Variants in ESR1 observed in about 807,000 individuals in gnomAD.
ESR1 encodes estrogen receptor.
A neutral mutation model predicts 52.7 loss-of-function variants in ESR1; 12 were observed. The observed-to-expected ratio is 0.23, with a 90% CI of 0.15 to 0.37. ESR1 has a LOEUF of 0.37. Among genes scored for constraint, ESR1 ranks in the 10% least tolerant of loss-of-function variants. The probability of loss-of-function intolerance (pLI) is 1.00; values close to 1 mark genes in which losing one functional copy is unlikely to be tolerated. For missense variants in ESR1, 584 were observed against 779.7 expected (o/e 0.75, Z 2.99); for synonymous variants, 305 against 316.8 (o/e 0.96, Z 0.39).
chr6:151,897,347 T>C (rs1171812699), intron 3 of ESR1, among the ~76,000 whole-genome samples: 2 of 152,234 alleles, frequency 1.3e-5, no homozygotes, highest in East Asian at 3.9e-4. Flanking sequence ...AATTGTTCTA[T>C]ACATTTGGGA....
chr6:151,848,716 T>C (rs2128245458), intron 2 of ESR1, among the ~76,000 whole-genome samples: 1 of 152,238 alleles, frequency 6.6e-6, no homozygotes, highest in East Asian at 1.9e-4. Flanking sequence ...GGATCCTAAC[T>C]CTTTGGTCTC....
At chr6:151,898,606 C>T (rs571640524) in intron 3 of ESR1, among the ~76,000 whole-genome samples, 28 of 151,898 alleles carry the variant, frequency 1.8e-4, no homozygotes, top group Admixed American at 1.4e-3. Context: ...TGACTCTTAA[C>T]GAGCATGCTG....
intron 4 of ESR1, among the ~76,000 whole-genome samples, chr6:151,992,094 C>T (rs2041079958): frequency 6.6e-6 from 1 of 152,152 alleles, no homozygotes; most frequent in African/African-American, 2.4e-5. Context: ...ACAGTGAGCT[C>T]TTTGAGGGCA....
chr6:151,907,844 A>G (rs1797684888), intron 3 of ESR1, among the ~76,000 whole-genome samples: 1 of 152,208 alleles, frequency 6.6e-6, no homozygotes, highest in African/African-American at 2.4e-5. Flanking sequence ...GGTACATCAT[A>G]TAAAAAGATT....
chr6:151,717,588 C>A (rs1470245942), intron 2 of ESR1, among the ~76,000 whole-genome samples: 2 of 152,004 alleles, frequency 1.3e-5, no homozygotes, highest in African/African-American at 2.4e-5. Context: ...TTCTTTTTAG[C>A]ATAAAGCTAA....
At chr6:151,658,035 A>G (rs531019076) in intron 1 of ESR1, among the ~76,000 whole-genome samples, 1 of 152,254 alleles carries the variant, frequency 6.6e-6, no homozygotes, top group South Asian at 2.1e-4. Context: ...TTTTTCTTCT[A>G]TAGATTTATT....
chr6:151,814,907 T>A (rs1779374941), intron 1 of ESR1, among the ~76,000 whole-genome samples: 1 of 152,238 alleles, frequency 6.6e-6, no homozygotes, highest in African/African-American at 2.4e-5. Flanking sequence ...TCTTGACTGT[T>A]GTCTCCCAGT....
intron 6 of ESR1, among the ~76,000 whole-genome samples, chr6:152,108,849 G>A (rs917053324): frequency 3.9e-5 from 6 of 152,190 alleles, no homozygotes; most frequent in East Asian, 1.9e-4. Context: ...CAGAATGTAC[G>A]TTGTATTAGC....
At chr6:152,066,239 C>T (rs927576972) in intron 6 of ESR1, among the ~76,000 whole-genome samples, 14 of 152,184 alleles carry the variant, frequency 9.2e-5, no homozygotes, top group African/African-American at 3.4e-4. Context: ...ATAACAAGTT[C>T]TCATCACAAA....
chr6:151,693,022 C>T (rs540499848), intron 1 of ESR1, among the ~76,000 whole-genome samples: 81 of 152,190 alleles, frequency 5.3e-4, no homozygotes, highest in Non-Finnish European at 8.1e-4. Flanking sequence ...TAGCTCCCAC[C>T]ACTCTCTAGC....
At chr6:151,803,494 G>A (rs1777462861), upstream of ESR1, among the ~76,000 whole-genome samples, 1 of 152,150 alleles carries the variant, frequency 6.6e-6, no homozygotes, top group Admixed American at 6.5e-5. Context: ...AGATGGACTA[G>A]GAAGGATCGT....
intron 2 of ESR1, among the ~76,000 whole-genome samples, chr6:151,878,323 T>C (rs959598650): frequency 6.6e-6 from 1 of 152,204 alleles, no homozygotes; most frequent in Non-Finnish European, 1.5e-5. Flanking sequence ...ATAATAACTG[T>C]GTCTGGATAT....
intron 1 of ESR1, among the ~76,000 whole-genome samples, chr6:151,682,584 G>A (rs1562326667): frequency 6.6e-6 from 1 of 152,130 alleles, no homozygotes; most frequent in Non-Finnish European, 1.5e-5. Context: ...GGTAAAAGGG[G>A]GCTAATTTGA....
intron 2 of ESR1, among the ~76,000 whole-genome samples, chr6:151,782,719 GA>G (rs1786665273): frequency 6.6e-6 from 1 of 152,154 alleles, no homozygotes; most frequent in Non-Finnish European, 1.5e-5. Flanking sequence ...CTCTCCTCCA[GA>G]AATCTAATCA....
chr6:151,953,218 G>A (rs2036514217), intron 4 of ESR1, among the ~76,000 whole-genome samples: 1 of 152,116 alleles, frequency 6.6e-6, no homozygotes, highest in African/African-American at 2.4e-5. Flanking sequence ...CCAAACAGTG[G>A]TATATTTAGA....
chr6:151,836,716 GA>G (rs1783394327), intron 1 of ESR1, among the ~76,000 whole-genome samples: 1 of 152,188 alleles, frequency 6.6e-6, no homozygotes. Flanking sequence ...TAAGTGCCAT[GA>G]AAAACAAGTA....
chr6:151,924,765 T>C (rs1195229112), intron 3 of ESR1, among the ~76,000 whole-genome samples: 2 of 152,198 alleles, frequency 1.3e-5, no homozygotes, highest in Non-Finnish European at 2.9e-5. Flanking sequence ...CAGGACATGC[T>C]CTCGTGTTTT....
At chr6:151,746,704 A>G (rs1290993330) in intron 2 of ESR1, among the ~76,000 whole-genome samples, 2 of 152,238 alleles carry the variant, frequency 1.3e-5, no homozygotes, top group African/African-American at 4.8e-5. Flanking sequence ...AAGTATTATG[A>G]GAGAAAACAT....
At chr6:151,774,728 C>T (rs540380148) in intron 2 of ESR1, among the ~76,000 whole-genome samples, 10 of 152,252 alleles carry the variant, frequency 6.6e-5, no homozygotes, top group African/African-American at 2.2e-4. Flanking sequence ...ATGAAAGAAG[C>T]CAAAACCTTT....
Sources: allele counts gnomAD v4.1 joint callset (sites outside exome capture counted in the v4.1 genomes callset), GRCh38; gene constraint gnomAD v4.1.1; transcripts MANE v1.5; gene names NCBI Gene and HGNC (gene_info 2026-07-23, HGNC 2026-07-21).